The following ZSWIM6 variants were observed in gnomAD, a reference collection of about 807,000 sequenced individuals.
The protein encoded by ZSWIM6 is zinc finger SWIM-type containing 6.
A neutral mutation model predicts 113.2 loss-of-function variants in ZSWIM6; 9 were observed. That is an observed-to-expected ratio of 0.08 (90% CI 0.05 to 0.14). The LOEUF is 0.14. Ranked by LOEUF, ZSWIM6 falls within the 10% of genes least tolerant of loss-of-function variation. The probability of loss-of-function intolerance (pLI) is 1.00; values close to 1 mark genes in which losing one functional copy is unlikely to be tolerated. For synonymous variants in ZSWIM6, 611 were observed against 606.5 expected, an observed-to-expected ratio of 1.01 and a Z score of -0.11; for missense variants, 1,162 against 1,552.2, an observed-to-expected ratio of 0.75 and a Z score of 4.22.
intron 1 of ZSWIM6, among the ~76,000 whole-genome samples, chr5:61,334,791 CT>C (rs759797953): frequency 2.0e-5 from 3 of 151,194 alleles, no homozygotes; most frequent in Non-Finnish European, 2.9e-5. Context: ...GTTTGTTTGT[CT>C]GTTTCCTGCC....
At chr5:61,469,908 C>T (rs1196427214) in intron 1 of ZSWIM6, among the ~76,000 whole-genome samples, 1 of 152,104 alleles carries the variant, frequency 6.6e-6, no homozygotes, top group Admixed American at 6.5e-5. Context: ...GGGGTTTCAG[C>T]GTGTTAGCCA....
chr5:61,474,004 A>G (rs151282845), intron 2 of ZSWIM6, among the ~76,000 whole-genome samples: 174 of 152,318 alleles, frequency 1.1e-3, no homozygotes, highest in Non-Finnish European at 1.5e-3. Flanking sequence ...TACATACAAT[A>G]TGAATGTGCA....
chr5:61,527,584 C>G (rs1489644076), intron 7 of ZSWIM6, among the ~76,000 whole-genome samples: 1 of 152,154 alleles, frequency 6.6e-6, no homozygotes, highest in African/African-American at 2.4e-5. Flanking sequence ...CATATCATCA[C>G]TGGTGTGTGC....
chr5:61,367,022 T>C (rs539717135), intron 1 of ZSWIM6, among the ~76,000 whole-genome samples: 1 of 151,080 alleles, frequency 6.6e-6, no homozygotes, highest in South Asian at 2.1e-4. Context: ...CATGAGGAAG[T>C]AAAACCTTTA....
chr5:61,459,769 CA>C (rs1400085820), intron 1 of ZSWIM6, among the ~76,000 whole-genome samples: 2 of 152,110 alleles, frequency 1.3e-5, no homozygotes, highest in East Asian at 3.8e-4. Context: ...GTCTTTTTTG[CA>C]TATAGCCATG....
intron 1 of ZSWIM6, among the ~76,000 whole-genome samples, chr5:61,467,440 T>C (rs1298468459): frequency 6.6e-6 from 1 of 152,212 alleles, no homozygotes; most frequent in African/African-American, 2.4e-5. Flanking sequence ...GAATGTGATA[T>C]CATTACATTA....
At chr5:61,500,165 C>T (rs1009507667) in intron 4 of ZSWIM6, among the ~76,000 whole-genome samples, 3 of 150,732 alleles carry the variant, frequency 2.0e-5, no homozygotes, top group Non-Finnish European at 3.0e-5. Flanking sequence ...GTCGCTGTGT[C>T]GCCTAGGCTG....
intron 1 of ZSWIM6, among the ~76,000 whole-genome samples, chr5:61,468,832 C>G (rs569824912): frequency 6.6e-6 from 1 of 152,162 alleles, no homozygotes; most frequent in Admixed American, 6.5e-5. Context: ...CACCACTATA[C>G]AAGGCTGAAG....
chr5:61,506,050 T>C (rs1006688772), intron 4 of ZSWIM6, among the ~76,000 whole-genome samples: 4 of 151,958 alleles, frequency 2.6e-5, no homozygotes, highest in Non-Finnish European at 5.9e-5. Flanking sequence ...CCGGCAGATT[T>C]ATTTTCTTCC....
chr5:61,425,815 A>T (rs1014399931), intron 1 of ZSWIM6, among the ~76,000 whole-genome samples: 2 of 152,216 alleles, frequency 1.3e-5, no homozygotes, highest in African/African-American at 4.8e-5. Context: ...AGGAATGTTG[A>T]GAGTATATGG....
chr5:61,540,705 C>T (rs1454445128), intron 12 of ZSWIM6, among the ~76,000 whole-genome samples: 1 of 148,334 alleles, frequency 6.7e-6, no homozygotes, highest in Non-Finnish European at 1.5e-5. Context: ...TTTGCCTCAT[C>T]TTAAAGATGT....
chr5:61,490,721 A>G, intron 2 of ZSWIM6, 65 bp from the exon 3 acceptor site: 1 of 1,473,094 alleles, frequency 6.8e-7, no homozygotes, highest in Non-Finnish European at 9.0e-7. Context: ...AAGAGTCTTA[A>G]TTAATCCTTT....
intron 1 of ZSWIM6, among the ~76,000 whole-genome samples, chr5:61,385,964 G>C (rs1213126993): frequency 1.3e-5 from 2 of 152,192 alleles, no homozygotes; most frequent in Non-Finnish European, 2.9e-5. Context: ...ACTTCTTGAG[G>C]TGGTGGGCAC....
At chr5:61,536,990 G>C (rs964733516) in intron 10 of ZSWIM6, among the ~76,000 whole-genome samples, 9 of 152,156 alleles carry the variant, frequency 5.9e-5, no homozygotes, top group African/African-American at 2.2e-4. Context: ...TGAAATGGAA[G>C]CTGTCTTATG....
chr5:61,389,018 A>C (rs948608187), intron 1 of ZSWIM6, among the ~76,000 whole-genome samples: 4 of 152,186 alleles, frequency 2.6e-5, no homozygotes, highest in Non-Finnish European at 4.4e-5. Context: ...GTACCGGGAC[A>C]CATACCTGCA....
chr5:61,500,251 T>C (rs963343553), intron 4 of ZSWIM6, among the ~76,000 whole-genome samples: 11 of 151,838 alleles, frequency 7.2e-5, no homozygotes, highest in African/African-American at 2.4e-4. Flanking sequence ...CTTAGCCTCC[T>C]GGGTAGCTGG....
At chr5:61,431,580 C>T (rs1746581472) in intron 1 of ZSWIM6, among the ~76,000 whole-genome samples, 1 of 148,994 alleles carries the variant, frequency 6.7e-6, no homozygotes, top group Admixed American at 6.7e-5. Context: ...ACTGTCTCTA[C>T]TAAAAATAAA....
rs111974474 is a variant in ZSWIM6, at chr5:61,332,704, C to T, written c.432C>T (p.Gly144=). ...AGGPGDDSGG[G]GGAGGGGGGG... is the part of the protein sequence containing the mutation. The stretch of plus-strand genomic sequence containing the variant: ...GCCCCGGCGACGACAGCGGTGGCGG[C>T]GGCGGCGCGGGCGGCGGCGGCGGCG... Residue 144 remains glycine, a synonymous_variant, in exon 1 of 14, where the codon GGC becomes GGT. Transcript: ENST00000252744. 1.0e-6 allele frequency: 1 copy of T among 974,562 alleles called. No individual in the cohort carries two copies. The allele number at this position is 974,562 out of a possible 1,614,324, so 60.4% of individuals were successfully genotyped here. A position where few individuals can be genotyped will look rare whatever the true frequency, so the allele number is the denominator to read the frequency against.
intron 1 of ZSWIM6, among the ~76,000 whole-genome samples, chr5:61,444,092 C>T (rs1456421468): frequency 2.0e-5 from 2 of 99,156 alleles, no homozygotes; most frequent in South Asian, 9.0e-4. Context: ...TGCTATCCCT[C>T]CCCCCTCCCC....
Sources: gnomAD v4.1 joint callset for allele counts (sites outside exome capture counted in the v4.1 genomes callset) on GRCh38, gnomAD v4.1.1 for gene constraint, MANE v1.5 for transcripts, NCBI Gene and HGNC (gene_info 2026-07-23, HGNC 2026-07-21) for gene names.